Variants in LDLRAD1 observed in about 807,000 individuals in gnomAD.
LDLRAD1 encodes the protein low density lipoprotein receptor class A domain containing 1.
LDLRAD1 carries 17 observed loss-of-function variants against 24.8 expected under a neutral mutation model. That is an observed-to-expected ratio of 0.69 (90% CI 0.47 to 1.03). LDLRAD1 has a LOEUF of 1.03. Among genes scored for constraint, LDLRAD1 ranks in the 50% least tolerant of loss-of-function variants. LDLRAD1 has a pLI of 0.00. For missense variants in LDLRAD1, 277 were observed against 271.0 expected, an observed-to-expected ratio of 1.02 and a Z score of -0.16; for synonymous variants, 103 against 108.2, an observed-to-expected ratio of 0.95 and a Z score of 0.30.
At chr1:54,014,466 C>G in intron 2 of LDLRAD1, 102 bp from the exon 3 acceptor site, 3 of 1,154,924 alleles carry the variant, frequency 2.6e-6, no homozygotes, top group Non-Finnish European at 3.7e-6. Context: ...CAGCCTCTCC[C>G]CCACGAGGGT....
At chr1:54,013,064 C>CG (rs901809902) in intron 3 of LDLRAD1, among the ~76,000 whole-genome samples, 30 of 151,898 alleles carry the variant, frequency 2.0e-4, no homozygotes, top group African/African-American at 5.6e-4. Context: ...GGGGAGGCGG[C>CG]GGGGGGGAGC....
chr1:54,008,974 T>TGGCC lies in LDLRAD1; in HGVS notation c.*4_*7dup, dbSNP rs1202358884. ...AGCCAGCCTTCCATGCTGGCCTGAG[T>TGGCC]GGCCCACTCAGGGTCCGGGACAGGC... On this transcript the variant is annotated 3_prime_UTR_variant, in exon 6 of 6. Coordinates refer to ENST00000371360, the MANE Select transcript of LDLRAD1 (RefSeq NM_001010978.4). 2.5e-6 allele frequency: 4 copies of TGGCC among 1,609,130 alleles called. No homozygotes were observed. The highest frequency in any genetic ancestry group is 3.4e-6 in the Non-Finnish European group (4 of 1,176,810).
intron 2 of LDLRAD1, among the ~76,000 whole-genome samples, chr1:54,015,343 A>G (rs181274485): frequency 4.6e-5 from 7 of 152,266 alleles, no homozygotes; most frequent in Admixed American, 4.6e-4. Context: ...GTGATAGGGG[A>G]CGTCCCTGCT....
chr1:54,017,331 A>G, intron 2 of LDLRAD1, 45 bp downstream of exon 2: 2 of 1,528,836 alleles, frequency 1.3e-6, no homozygotes, highest in Non-Finnish European at 1.8e-6. Context: ...GCCAGCTTCA[A>G]GGGAGCCCCA....
chr1:54,010,652 T>C (rs920756969), intron 4 of LDLRAD1, among the ~76,000 whole-genome samples: 8 of 152,082 alleles, frequency 5.3e-5, no homozygotes, highest in Non-Finnish European at 4.4e-5. Context: ...TCCCCAGCTC[T>C]GGTGTGTTCC....
Position 54,009,067 on chromosome 1 carries a change from C to T in LDLRAD1, c.533G>A (p.Cys178Tyr), listed in dbSNP as rs1443196137. 5.0e-6 allele frequency: 8 copies of T among 1,613,874 alleles called. No homozygotes were observed. Among genetic ancestry groups the T allele is most frequent in the African/African-American group, 1.3e-5 (1 of 74,862 alleles). The stretch of plus-strand genomic sequence containing the variant: ...GCAGAGATGCCTCGGTATACAGTCG[C>T]AGTACTTGAAGAAGGTTGAAGGACA... ...WRCPSTFFKY[C>Y]DCIPRHLCRD... Residue 178 changes from cysteine (C) to tyrosine (Y), a missense_variant, in exon 6 of 6, where the codon TGC becomes TAC. Physicochemically the swap from Cys to Tyr is radical, Grantham distance 194. Coordinates refer to ENST00000371360, the MANE Select transcript of LDLRAD1 (RefSeq NM_001010978.4).
At chr1:54,012,536 G>A (rs1442066812) in intron 3 of LDLRAD1, among the ~76,000 whole-genome samples, 1 of 152,176 alleles carries the variant, frequency 6.6e-6, no homozygotes, top group Non-Finnish European at 1.5e-5. Flanking sequence ...GGACTGTTGT[G>A]GGGATTAAAT....
chr1:54,017,720 C>G (rs1005602835), intron 1 of LDLRAD1, among the ~76,000 whole-genome samples: 1 of 152,078 alleles, frequency 6.6e-6, no homozygotes, highest in African/African-American at 2.4e-5. Flanking sequence ...TTCCCTGATA[C>G]CCTCCTCCCC....
chr1:54,009,218 G>A (rs540624479), intron 5 of LDLRAD1, 88 bp from the exon 6 acceptor site: 30 of 1,297,614 alleles, frequency 2.3e-5, no homozygotes, highest in African/African-American at 1.2e-4. Flanking sequence ...GAAACCTGCC[G>A]TAGCTCCCCA....
rs1655894980 is a variant in LDLRAD1 at position 54,008,260 on chromosome 1, C to G, written c.*722G>C. ...TGTCACTTGGTTAAATCAGTAGAGCCTGCTGGGTTAACTAAACTGGGGAAG... is the reference window on the plus strand; with the variant it reads ...TGTCACTTGGTTAAATCAGTAGAGCGTGCTGGGTTAACTAAACTGGGGAAG... On this transcript the variant is annotated 3_prime_UTR_variant, in exon 6 of 6. Transcript: ENST00000371360. The G allele has an allele frequency of 6.6e-6, 1 of 152,230 alleles. No homozygotes were observed. The allele number at this position is 152,230 out of a possible 1,614,324, so 9.4% of individuals were successfully genotyped here. A position where few individuals can be genotyped will look rare whatever the true frequency, so the allele number is the denominator to read the frequency against.
intron 2 of LDLRAD1, among the ~76,000 whole-genome samples, chr1:54,014,641 G>A (rs1206638931): frequency 6.6e-6 from 1 of 152,114 alleles, no homozygotes; most frequent in Admixed American, 6.5e-5. Context: ...GCCATCAGGA[G>A]ACTTCCTCAG....
In LDLRAD1 at chr1:54,008,891, T is replaced by A; in HGVS notation, c.*91A>T. 2.7e-6 allele frequency: 3 copies of A among 1,109,554 alleles called. No individual in the cohort carries two copies. Among genetic ancestry groups the A allele is most frequent in the Non-Finnish European group, 3.7e-6 (3 of 816,472 alleles). 68.7% of individuals were successfully genotyped at this position (1,109,554 alleles called of 1,614,324 possible). The stretch of plus-strand genomic sequence containing the variant: ...GTGTAGATCCCATTTCAAAGGCTGC[T>A]TCCTGCCCTTGTGCGCTAGGATTTG... On this transcript the variant is annotated 3_prime_UTR_variant, in exon 6 of 6. Coordinates refer to ENST00000371360, the MANE Select transcript of LDLRAD1 (RefSeq NM_001010978.4).
At chr1:54,014,709 A>G (rs1408906634) in intron 2 of LDLRAD1, among the ~76,000 whole-genome samples, 2 of 151,462 alleles carry the variant, frequency 1.3e-5, no homozygotes, top group Non-Finnish European at 2.9e-5. Context: ...CAGAAGCTCC[A>G]TTAGGCCCTT....
At position 54,007,467 on chromosome 1, in the gene LDLRAD1, G is replaced by A. The variant is rs572748228; in HGVS notation, c.*1515C>T. On this transcript the variant is annotated 3_prime_UTR_variant, in exon 6 of 6. Transcript: ENST00000371360. ...TATTTTTATTAAAAAGAAATTTTTT[G>A]AGACAGGGTTTGTTGCCCAGGCTGG... The A allele has an allele frequency of 6.6e-6, 1 of 152,126 alleles. No homozygotes were observed. Among genetic ancestry groups the A allele is most frequent in the East Asian group, 1.9e-4 (1 of 5,180 alleles). 9.4% of individuals were successfully genotyped at this position (152,126 alleles called of 1,614,324 possible). A position where few individuals can be genotyped will look rare whatever the true frequency, so the allele number is the denominator to read the frequency against.
At chr1:54,017,553 C>T in intron 1 of LDLRAD1, 126 bp from the exon 2 acceptor site, 2 of 753,696 alleles carry the variant, frequency 2.7e-6, no homozygotes, top group Non-Finnish European at 4.7e-6. Flanking sequence ...GTCCGTCACA[C>T]CCCAGCATCT....
At chr1:54,015,436 G>A (rs1168191695) in intron 2 of LDLRAD1, among the ~76,000 whole-genome samples, 1 of 152,142 alleles carries the variant, frequency 6.6e-6, no homozygotes, top group East Asian at 1.9e-4. Flanking sequence ...GGACCTCCTG[G>A]GTGCCCTGCT....
intron 2 of LDLRAD1, 107 bp from the exon 3 acceptor site, chr1:54,014,471 G>A: frequency 9.0e-7 from 1 of 1,111,144 alleles, no homozygotes; most frequent in Non-Finnish European, 1.3e-6. Context: ...TCTCCCCCAC[G>A]AGGGTGAGCA....
chr1:54,016,681 C>T (rs1421001892), intron 2 of LDLRAD1, among the ~76,000 whole-genome samples: 1 of 152,180 alleles, frequency 6.6e-6, no homozygotes, highest in African/African-American at 2.4e-5. Flanking sequence ...CCTCCAACCT[C>T]CCTGCTGTGT....
intron 2 of LDLRAD1, among the ~76,000 whole-genome samples, chr1:54,014,609 G>A (rs970484650): frequency 6.6e-6 from 1 of 152,158 alleles, no homozygotes; most frequent in Non-Finnish European, 1.5e-5. Flanking sequence ...TGGCAGAGGC[G>A]GACAGCCCTC....
Sources: gnomAD v4.1 joint callset for allele counts (sites outside exome capture counted in the v4.1 genomes callset) on GRCh38, gnomAD v4.1.1 for gene constraint, MANE v1.5 for transcripts, NCBI Gene and HGNC (gene_info 2026-07-23, HGNC 2026-07-21) for gene names.